The following SMYD3 variants were observed in gnomAD, a reference collection of about 807,000 sequenced individuals.
SMYD3 encodes the protein SET and MYND domain containing 3.
Under a neutral mutation model 57.7 loss-of-function variants are expected in SMYD3, and 36 were observed. That is an observed-to-expected ratio of 0.62 (90% CI 0.48 to 0.82). SMYD3 has a LOEUF of 0.82. Ranked by LOEUF, SMYD3 falls within the 40% of genes least tolerant of loss-of-function variation. The pLI is 0.00. For synonymous variants in SMYD3, 211 were observed against 195.0 expected (o/e 1.08, Z -0.68); for missense variants, 515 against 538.8 (o/e 0.96, Z 0.44).
intron 5 of SMYD3, among the ~76,000 whole-genome samples, chr1:246,009,551 C>G (rs1366193248): frequency 6.6e-6 from 1 of 151,784 alleles, no homozygotes; most frequent in Non-Finnish European, 1.5e-5. Flanking sequence ...GGTAACAACG[C>G]AAAAGGCAAT....
intron 5 of SMYD3, among the ~76,000 whole-genome samples, chr1:246,265,763 C>A (rs938142156): frequency 1.3e-5 from 2 of 152,194 alleles, no homozygotes; most frequent in African/African-American, 4.8e-5. Context: ...GTGAGAGCAT[C>A]TTTTTGAACC....
Position 245,850,977 on chromosome 1 carries a change from T to C in SMYD3, c.1076+7519A>G, listed in dbSNP as rs375041185. On this transcript the variant is annotated intron_variant, in intron 10 of 11. Coordinates refer to ENST00000490107, the MANE Select transcript of SMYD3 (RefSeq NM_001167740.2). ...GTGGAGCTAAACAGGGGTTTAGCCATAGGGAGGGCTTTGGGAAATCAGAGG... is the reference window on the plus strand; with the variant it reads ...GTGGAGCTAAACAGGGGTTTAGCCACAGGGAGGGCTTTGGGAAATCAGAGG... Among the ~76,000 whole-genome samples, 408 of 124,506 alleles carry C rather than the reference T, an allele frequency of 3.3e-3. 1 individual carries two copies. The highest frequency in any genetic ancestry group is 0.014 in the African/African-American group (385 of 28,428). 81.7% of individuals were successfully genotyped at this position (124,506 alleles called of 152,430 possible).
chr1:246,116,383 A>G (rs2061342802), intron 5 of SMYD3, among the ~76,000 whole-genome samples: 1 of 152,224 alleles, frequency 6.6e-6, no homozygotes, highest in Non-Finnish European at 1.5e-5. Context: ...AAACAAGTCA[A>G]CAGATTAAAT....
chr1:246,363,731 G>C (rs1354043292), intron 1 of SMYD3, among the ~76,000 whole-genome samples: 5 of 151,924 alleles, frequency 3.3e-5, no homozygotes, highest in African/African-American at 7.3e-5. Context: ...CAGCATGCTC[G>C]TTAAGAGTCA....
chr1:246,303,357 C>A (rs1043583835), intron 5 of SMYD3, among the ~76,000 whole-genome samples: 2 of 152,078 alleles, frequency 1.3e-5, no homozygotes, highest in Admixed American at 1.3e-4. Context: ...ATCATACATT[C>A]CTCCCTCAGT....
chr1:246,215,510 A>G (rs1413497067), intron 5 of SMYD3, among the ~76,000 whole-genome samples: 1 of 152,134 alleles, frequency 6.6e-6, no homozygotes, highest in African/African-American at 2.4e-5. Context: ...AAATTCTTCA[A>G]GTCTTAAGCC....
chr1:246,030,721 C>A (rs1011068686), intron 5 of SMYD3, among the ~76,000 whole-genome samples: 1 of 152,112 alleles, frequency 6.6e-6, no homozygotes, highest in African/African-American at 2.4e-5. Flanking sequence ...GTTGCACCAT[C>A]GCCACACCTG....
chr1:246,434,806 A>T (rs1422970822), intron 1 of SMYD3, among the ~76,000 whole-genome samples: 1 of 152,216 alleles, frequency 6.6e-6, no homozygotes, highest in Non-Finnish European at 1.5e-5. Context: ...GTATCTATCC[A>T]AAAGAAAAGA....
rs528340539 is a variant in SMYD3, at chr1:246,449,826, A to C, written c.164+57228T>G. Reference sequence around the variant, plus strand: ...GAAACCTTTAATCCTGTGAGTATGAACCTGCTGACGTTAGGTGTGGAAAGG... The same window carrying C: ...GAAACCTTTAATCCTGTGAGTATGACCCTGCTGACGTTAGGTGTGGAAAGG... On this transcript the variant is annotated intron_variant, in intron 1 of 11. Transcript: ENST00000490107. Among the ~76,000 whole-genome samples the C allele has an allele frequency of 6.6e-5, 10 of 152,226 alleles. No individual in the cohort carries two copies. The South Asian group carries it at 2.1e-3, about 32-fold the overall frequency.
At chr1:246,003,183 C>A (rs1306216584) in intron 5 of SMYD3, among the ~76,000 whole-genome samples, 7 of 152,084 alleles carry the variant, frequency 4.6e-5, no homozygotes, top group Non-Finnish European at 1.5e-5. Flanking sequence ...AGAACCGAAC[C>A]CAGAACCAGA....
At chr1:246,057,166 G>C (rs1259355696) in intron 5 of SMYD3, among the ~76,000 whole-genome samples, 1 of 152,132 alleles carries the variant, frequency 6.6e-6, no homozygotes, top group Non-Finnish European at 1.5e-5. Context: ...ACCTCAAAGG[G>C]CTTTTGTGAT....
chr1:245,925,688 A>G (rs2056324219), intron 7 of SMYD3, among the ~76,000 whole-genome samples: 2 of 152,210 alleles, frequency 1.3e-5, no homozygotes, highest in Admixed American at 1.3e-4. Context: ...TCGATTCAAC[A>G]AAAAGTTATC....
intron 5 of SMYD3, among the ~76,000 whole-genome samples, chr1:246,003,072 TAGG>T (rs2059107118): frequency 6.6e-6 from 1 of 151,862 alleles, no homozygotes; most frequent in South Asian, 2.1e-4. Context: ...AGGTTGTAGG[TAGG>T]AGGATTGGTG....
intron 5 of SMYD3, among the ~76,000 whole-genome samples, chr1:246,075,788 A>T (rs1003704970): frequency 1.3e-5 from 2 of 152,152 alleles, no homozygotes; most frequent in Non-Finnish European, 2.9e-5. Context: ...GAGCTTTAAA[A>T]TATGCAAATA....
intron 8 of SMYD3, among the ~76,000 whole-genome samples, chr1:245,873,168 T>C (rs1474968116): frequency 6.6e-6 from 1 of 152,206 alleles, no homozygotes; most frequent in Non-Finnish European, 1.5e-5. Flanking sequence ...ACAAGGCAGT[T>C]AAACACACAT....
chr1:246,127,333 T>G (rs1479757846), intron 5 of SMYD3, among the ~76,000 whole-genome samples: 1 of 152,068 alleles, frequency 6.6e-6, no homozygotes, highest in Admixed American at 6.6e-5. Flanking sequence ...GGTGAGAACT[T>G]TTTTGTCAAT....
chr1:245,916,212 G>A (rs767957591), intron 7 of SMYD3, among the ~76,000 whole-genome samples: 7 of 152,120 alleles, frequency 4.6e-5, no homozygotes, highest in Non-Finnish European at 8.8e-5. Context: ...TAACTTGAGA[G>A]TACCACCACT....
chr1:246,341,515 G>A (rs924005965), intron 2 of SMYD3, among the ~76,000 whole-genome samples: 2 of 152,018 alleles, frequency 1.3e-5, no homozygotes, highest in African/African-American at 4.8e-5. Flanking sequence ...TCTAAAACCA[G>A]TACCATTCAG....
chr1:246,033,824 A>G (rs182262704), intron 5 of SMYD3, among the ~76,000 whole-genome samples: 7 of 152,174 alleles, frequency 4.6e-5, no homozygotes, highest in African/African-American at 1.4e-4. Context: ...TAAATTAAAA[A>G]TTTTTTTAAA....
Sources: gnomAD v4.1 joint callset for allele counts (sites outside exome capture counted in the v4.1 genomes callset) on GRCh38, gnomAD v4.1.1 for gene constraint, MANE v1.5 for transcripts, NCBI Gene and HGNC (gene_info 2026-07-23, HGNC 2026-07-21) for gene names.